SVIL: variants seen among roughly 807,000 people sequenced by gnomAD.
SVIL encodes the protein supervillin.
In SVIL, 101 loss-of-function variants were observed where a neutral mutation model predicts 240.4. The observed-to-expected ratio is 0.42, with a 90% CI of 0.36 to 0.50. The LOEUF is 0.50. Among genes scored for constraint, SVIL ranks in the 20% least tolerant of loss-of-function variants. SVIL has a pLI of 0.01. For missense variants in SVIL, 2,512 were observed against 2,818.7 expected (o/e 0.89, Z 2.46); for synonymous variants, 999 against 1,100.0 (o/e 0.91, Z 1.82).
rs529313264 is a variant in SVIL, at chr10:29,519,404, G to A, written c.3389+3006C>T. Among the ~76,000 whole-genome samples, 48 of 152,194 alleles carry A rather than the reference G, an allele frequency of 3.2e-4. No homozygotes were observed. The South Asian group carries it at 6.8e-3, about 22-fold the overall frequency. On this transcript the variant is annotated intron_variant, in intron 16 of 37. Transcript: ENST00000355867. ...TTGGTAAAATGAGGCAGTCAGAGGC[G>A]GTTAGAATAAAGTTTGGAAGTCCTA...
intron 16 of SVIL, among the ~76,000 whole-genome samples, chr10:29,515,894 C>T (rs1243742684): frequency 1.3e-5 from 2 of 152,144 alleles, no homozygotes; most frequent in African/African-American, 2.4e-5. Context: ...ATCACCTCCT[C>T]GTCCATCTTA....
rs141379279 is a variant in SVIL, at chr10:29,535,381, A to G, written c.908+608T>C. 7.9e-5 allele frequency among the ~76,000 whole-genome samples: 12 copies of G among 152,358 alleles called. No homozygotes were observed. The East Asian group carries it at 2.3e-3, about 29-fold the overall frequency. On this transcript the variant is annotated intron_variant, in intron 7 of 37. Coordinates refer to ENST00000355867, the MANE Select transcript of SVIL (RefSeq NM_021738.3). ...ACAATCTGAATGTTGTCCTCAGCCA[A>G]GAACAAAGTGACTGTCAGAAACTCT...
chr10:29,476,437 G>C (rs931575931), intron 29 of SVIL, among the ~76,000 whole-genome samples: 7 of 152,176 alleles, frequency 4.6e-5, no homozygotes, highest in African/African-American at 1.7e-4. Context: ...TTTAGAGACA[G>C]GGTCTTGCTC....
chr10:29,473,110 G>A (rs942559517), intron 30 of SVIL, among the ~76,000 whole-genome samples: 1 of 152,054 alleles, frequency 6.6e-6, no homozygotes, highest in Admixed American at 6.5e-5. Context: ...GGGAGAGGCT[G>A]GAGTGGCCTG....
At chr10:29,594,966 G>C (rs1415194412) in intron 1 of SVIL, among the ~76,000 whole-genome samples, 1 of 152,238 alleles carries the variant, frequency 6.6e-6, no homozygotes, top group African/African-American at 2.4e-5. Flanking sequence ...GAGAAGTTCA[G>C]GAAGGTAAAC....
At position 29,465,575 on chromosome 10, in the gene SVIL, C is replaced by T; in HGVS notation, c.6133+20G>A. On this transcript the variant is annotated intron_variant, in intron 34 of 37. Coordinates refer to ENST00000355867, the MANE Select transcript of SVIL (RefSeq NM_021738.3). Reference sequence around the variant, plus strand: ...ATGTGCCTTCTACTGCTCAGCATAGCTGCCCCCTGCAGGCCTTACCTGGCT... The same window carrying T: ...ATGTGCCTTCTACTGCTCAGCATAGTTGCCCCCTGCAGGCCTTACCTGGCT... 4 of 1,587,434 alleles carry T rather than the reference C, an allele frequency of 2.5e-6. No individual in the cohort carries two copies. Among genetic ancestry groups the T allele is most frequent in the Non-Finnish European group, 3.4e-6 (4 of 1,167,082 alleles).
At chr10:29,503,984 T>A (rs554824229) in intron 17 of SVIL, among the ~76,000 whole-genome samples, 1 of 152,200 alleles carries the variant, frequency 6.6e-6, no homozygotes, top group Non-Finnish European at 1.5e-5. Flanking sequence ...TTGTGTGGTA[T>A]TGATGAAAGA....
At chr10:29,493,088 A>C in intron 21 of SVIL, 126 bp downstream of exon 21, 1 of 1,175,930 alleles carries the variant, frequency 8.5e-7, no homozygotes, top group Non-Finnish European at 1.2e-6. Context: ...CTAGAATACT[A>C]ACGCCGCCGT....
intron 16 of SVIL, among the ~76,000 whole-genome samples, chr10:29,519,451 C>A (rs368809279): frequency 7.2e-5 from 11 of 152,072 alleles, no homozygotes; most frequent in Admixed American, 3.9e-4. Flanking sequence ...ATTTCTTTCT[C>A]AAGAAGGAAA....
chr10:29,462,654 TGGAA>T (rs1358829997), intron 35 of SVIL, among the ~76,000 whole-genome samples: 2 of 152,218 alleles, frequency 1.3e-5, no homozygotes, highest in African/African-American at 2.4e-5. Flanking sequence ...TGTGTATTCC[TGGAA>T]GGGAGAGAGA....
chr10:29,549,985 C>T (rs1260709163), intron 6 of SVIL, among the ~76,000 whole-genome samples: 3 of 111,792 alleles, frequency 2.7e-5, no homozygotes, highest in African/African-American at 1.1e-4. Flanking sequence ...AACTAACCTG[C>T]ACATTGTGCA....
At position 29,681,259 on chromosome 10, in the gene SVIL, G is replaced by C. The variant is rs146966976; in HGVS notation, c.-301+5294C>G. On this transcript the variant is annotated intron_variant, in intron 2 of 35. Coordinates refer to the SVIL transcript ENST00000375400. ...GGCAGAAAAGTGAGATTTAGGGCACGTGCAGGCAAGGAAGGATGAGAAGTC... is the reference window on the plus strand; with the variant it reads ...GGCAGAAAAGTGAGATTTAGGGCACCTGCAGGCAAGGAAGGATGAGAAGTC... 1.3e-3 allele frequency among the ~76,000 whole-genome samples: 198 copies of C among 152,182 alleles called. 1 individual carries two copies. Among genetic ancestry groups the C allele is most frequent in the African/African-American group, 4.5e-3 (188 of 41,526 alleles).
At chr10:29,686,394 GT>G (rs1961071950) in intron 2 of SVIL, among the ~76,000 whole-genome samples, 1 of 152,178 alleles carries the variant, frequency 6.6e-6, no homozygotes, top group Non-Finnish European at 1.5e-5. Flanking sequence ...AACATTTTAA[GT>G]TTTGTTTTTA....
At chr10:29,731,492 T>C (rs1361701740) in intron 1 of SVIL, among the ~76,000 whole-genome samples, 1 of 152,230 alleles carries the variant, frequency 6.6e-6, no homozygotes, top group Non-Finnish European at 1.5e-5. Flanking sequence ...TTTCATGCAA[T>C]AGAAAAATGT....
intron 1 of SVIL, among the ~76,000 whole-genome samples, chr10:29,588,477 G>A (rs1352687177): frequency 6.6e-6 from 1 of 152,168 alleles, no homozygotes; most frequent in Admixed American, 6.5e-5. Flanking sequence ...TCTGGGAAAT[G>A]GAGTCTGGGA....
At chr10:29,506,433 T>C (rs969641536) in intron 17 of SVIL, among the ~76,000 whole-genome samples, 1 of 152,052 alleles carries the variant, frequency 6.6e-6, no homozygotes, top group Non-Finnish European at 1.5e-5. Context: ...AGTTTCCATC[T>C]GTGAAGAGGC....
At chr10:29,685,710 T>C (rs1589512033) in intron 2 of SVIL, among the ~76,000 whole-genome samples, 1 of 152,326 alleles carries the variant, frequency 6.6e-6, no homozygotes, top group South Asian at 2.1e-4. Flanking sequence ...TGGCCACGTG[T>C]ATGTCTTCTT....
chr10:29,593,051 C>A (rs1413848255), intron 1 of SVIL, among the ~76,000 whole-genome samples: 2 of 152,090 alleles, frequency 1.3e-5, no homozygotes, highest in Non-Finnish European at 2.9e-5. Context: ...ATATGGTGAT[C>A]CAGGTTTAAA....
At chr10:29,534,765 A>T (rs1009861651) in intron 7 of SVIL, among the ~76,000 whole-genome samples, 1 of 152,234 alleles carries the variant, frequency 6.6e-6, no homozygotes, top group Non-Finnish European at 1.5e-5. Flanking sequence ...TTTAAATGGA[A>T]ATAATAGTGA....
Sources: gnomAD v4.1 joint callset for allele counts (sites outside exome capture counted in the v4.1 genomes callset) on GRCh38, gnomAD v4.1.1 for gene constraint, MANE v1.5 for transcripts, NCBI Gene and HGNC (gene_info 2026-07-23, HGNC 2026-07-21) for gene names.